THSD4: variants seen among roughly 807,000 people sequenced by gnomAD.
THSD4 encodes the protein thrombospondin type 1 domain containing 4.
In THSD4, 69 loss-of-function variants were observed where a neutral mutation model predicts 119.0. The ratio of observed to expected loss-of-function variants is 0.58; its 90% confidence interval spans 0.48 to 0.71. The LOEUF (loss-of-function observed/expected upper bound fraction) is 0.71. Ranked by LOEUF, THSD4 falls within the 30% of genes least tolerant of loss-of-function variation. The pLI is 0.00. For missense variants in THSD4, 1,393 were observed against 1,391.1 expected (o/e 1.00, Z -0.02); for synonymous variants, 524 against 540.4 (o/e 0.97, Z 0.42).
At chr15:71,477,554 T>C (rs954994441) in intron 7 of THSD4, among the ~76,000 whole-genome samples, 3 of 152,210 alleles carry the variant, frequency 2.0e-5, no homozygotes, top group Admixed American at 6.5e-5. Flanking sequence ...CTGCATGTTA[T>C]GGAAAAAGAA....
chr15:71,528,859 A>G (rs892572444), intron 7 of THSD4, among the ~76,000 whole-genome samples: 2 of 152,234 alleles, frequency 1.3e-5, no homozygotes, highest in Non-Finnish European at 2.9e-5. Flanking sequence ...TGAGCTATCC[A>G]TGATCAATTT....
chr15:71,618,477 CAAAATAT>C (rs1028862773), intron 7 of THSD4, among the ~76,000 whole-genome samples: 44 of 152,282 alleles, frequency 2.9e-4, no homozygotes, highest in African/African-American at 9.9e-4. Flanking sequence ...AAAGACAACA[CAAAATAT>C]AAAATATAAA....
intron 8 of THSD4, among the ~76,000 whole-genome samples, chr15:71,717,959 G>C (rs2052641005): frequency 1.3e-5 from 2 of 151,970 alleles, no homozygotes; most frequent in Non-Finnish European, 2.9e-5. Flanking sequence ...GACCAGCCTG[G>C]GTAACAAAGC....
intron 6 of THSD4, among the ~76,000 whole-genome samples, chr15:71,366,114 C>G (rs558263929): frequency 1.8e-4 from 27 of 152,204 alleles, no homozygotes; most frequent in African/African-American, 6.3e-4. Flanking sequence ...CACTCTGTTG[C>G]CCAGGCTGGA....
intron 7 of THSD4, among the ~76,000 whole-genome samples, chr15:71,463,264 G>T (rs1008426516): frequency 5.9e-5 from 9 of 152,126 alleles, no homozygotes; most frequent in African/African-American, 2.2e-4. Context: ...GTCATCTGCA[G>T]TTTTGATGAG....
At chr15:71,774,265 C>T (rs1034213270) in intron 17 of THSD4, among the ~76,000 whole-genome samples, 22 of 148,930 alleles carry the variant, frequency 1.5e-4, no homozygotes, top group Non-Finnish European at 3.0e-4. Context: ...GAGCCATGAT[C>T]GCACTACTGC....
At chr15:71,364,703 GTTTTA>G (rs1302461222) in intron 6 of THSD4, among the ~76,000 whole-genome samples, 3 of 152,138 alleles carry the variant, frequency 2.0e-5, no homozygotes, top group Non-Finnish European at 4.4e-5. Context: ...ACATAGTTTA[GTTTTA>G]TTTTATTTTG....
rs866385449 is a variant in THSD4, at chr15:71,594,918, G to T, written c.1153-65612G>T. ...CTTTGGGAGGGAGGGATTGGGGAAG[G>T]CTTCTCTGAAGAGGTGACATCTGAG... On this transcript the variant is annotated intron_variant, in intron 7 of 17. Transcript: ENST00000261862. Among the ~76,000 whole-genome samples, 4 of 152,262 alleles carry T rather than the reference G, an allele frequency of 2.6e-5. No individual in the cohort carries two copies. In the South Asian group the frequency reaches 6.2e-4, roughly 24 times the overall value.
intron 8 of THSD4, among the ~76,000 whole-genome samples, chr15:71,683,358 C>G (rs1305736280): frequency 6.6e-6 from 1 of 151,980 alleles, no homozygotes; most frequent in Admixed American, 6.6e-5. Context: ...ATTCAATAAA[C>G]ATGTACTGAG....
chr15:71,454,526 C>A (rs1298815271), intron 7 of THSD4, among the ~76,000 whole-genome samples: 3 of 152,164 alleles, frequency 2.0e-5, no homozygotes, highest in Non-Finnish European at 4.4e-5. Flanking sequence ...GCGTGTGACA[C>A]CTCGCTCTTA....
intron 7 of THSD4, among the ~76,000 whole-genome samples, chr15:71,544,424 G>C (rs184215736): frequency 6.6e-6 from 1 of 152,196 alleles, no homozygotes; most frequent in African/African-American, 2.4e-5. Context: ...AGCCCTGGAA[G>C]CTATGGAAAG....
Position 71,781,828 on chromosome 15 carries a change from C to T in THSD4, c.*4454C>T, listed in dbSNP as rs1049994624. On this transcript the variant is annotated 3_prime_UTR_variant, in exon 18 of 18. Transcript: ENST00000261862. ...GGCTGGGCAACGTGATGCTCAGGGCCGTCTCCACTCAGGGCTTAGGGGAGT... is the reference window on the plus strand; with the variant it reads ...GGCTGGGCAACGTGATGCTCAGGGCTGTCTCCACTCAGGGCTTAGGGGAGT... 1.3e-5 allele frequency: 2 copies of T among 152,266 alleles called. No homozygotes were observed. The highest frequency in any genetic ancestry group is 2.9e-5 in the Non-Finnish European group (2 of 68,108). 9.4% of individuals were successfully genotyped at this position (152,266 alleles called of 1,614,324 possible). A position where few individuals can be genotyped will look rare whatever the true frequency, so the allele number is the denominator to read the frequency against.
rs763445612 is a variant in THSD4 at position 71,771,115 on chromosome 15, T to A, written c.2821T>A (p.Ser941Thr). The A allele has an allele frequency of 1.2e-6, 2 of 1,614,098 alleles. No individual in the cohort carries two copies. Among genetic ancestry groups the A allele is most frequent in the South Asian group, 1.1e-5 (1 of 91,084 alleles). ...GFRVREVRCL[S>T]DDMTLSNLCD... ...TCGGGTCCGGGAAGTGCGGTGTCTGTCTGATGACATGACTCTAAGTAACCT... is the reference window on the plus strand; with the variant it reads ...TCGGGTCCGGGAAGTGCGGTGTCTGACTGATGACATGACTCTAAGTAACCT... Residue 941 changes from serine to threonine, a missense_variant, in exon 17 of 18, where the codon TCT becomes ACT. By Grantham distance (58) the Ser-to-Thr change is moderately conservative. Transcript: ENST00000261862.
rs61293620 is a variant in THSD4, at chr15:71,272,396, C to CAAA, written c.1015+15706_1015+15708dup. Among the ~76,000 whole-genome samples, 10 of 55,584 alleles carry CAAA rather than the reference C, an allele frequency of 1.8e-4. 1 individual carries two copies. Among genetic ancestry groups the CAAA allele is most frequent in the East Asian group, 1.4e-3 (2 of 1,478 alleles). The allele number at this position is 55,584 out of a possible 152,430, so 36.5% of individuals were successfully genotyped here. A position where few individuals can be genotyped will look rare whatever the true frequency, so the allele number is the denominator to read the frequency against. On this transcript the variant is annotated intron_variant, in intron 6 of 17. Coordinates refer to ENST00000261862, the MANE Select transcript of THSD4 (RefSeq NM_024817.3). ...CAGGGGACAAAGTGAGACTCTGTCT[C>CAAA]AAAAAAAAAAAAAAAAAAAAAAAAA...
intron 7 of THSD4, among the ~76,000 whole-genome samples, chr15:71,626,165 C>T (rs1204178240): frequency 3.9e-5 from 6 of 152,242 alleles, no homozygotes; most frequent in East Asian, 3.9e-4. Context: ...GTTATAGAGA[C>T]GTACAATTTA....
intron 6 of THSD4, among the ~76,000 whole-genome samples, chr15:71,282,274 G>A (rs1247209406): frequency 3.9e-5 from 6 of 152,170 alleles, no homozygotes; most frequent in East Asian, 1.9e-4. Flanking sequence ...CACTTAAACC[G>A]TGGCGTCCAG....
rs550708502 is a variant in THSD4 at position 71,663,191 on chromosome 15, G to T, written c.1357+2457G>T. ...CACTTGGGCCCAAGAGGTCAGGGCT[G>T]CAGTGAGTTGTAATCGTGCCACTGC... On this transcript the variant is annotated intron_variant, in intron 8 of 17. Coordinates refer to ENST00000261862, the MANE Select transcript of THSD4 (RefSeq NM_024817.3). Among the ~76,000 whole-genome samples the T allele has an allele frequency of 6.6e-5, 10 of 152,178 alleles. 1 individual carries two copies. In the South Asian group the frequency reaches 2.1e-3, roughly 32 times the overall value.
chr15:71,400,503 A>T (rs780630632), intron 6 of THSD4, among the ~76,000 whole-genome samples: 12 of 152,320 alleles, frequency 7.9e-5, no homozygotes, highest in Middle Eastern at 3.4e-3. Flanking sequence ...ATCCAAGGGC[A>T]GGCGGATACT....
intron 7 of THSD4, among the ~76,000 whole-genome samples, chr15:71,441,825 G>A (rs1006833606): frequency 6.6e-6 from 1 of 152,148 alleles, no homozygotes; most frequent in African/African-American, 2.4e-5. Context: ...AAGCGGGGAT[G>A]AGAGCAGTAC....
Sources: gnomAD v4.1 joint callset for allele counts (sites outside exome capture counted in the v4.1 genomes callset) on GRCh38, gnomAD v4.1.1 for gene constraint, MANE v1.5 for transcripts, NCBI Gene and HGNC (gene_info 2026-07-23, HGNC 2026-07-21) for gene names.